The following UNC5B variants were observed in gnomAD, a reference collection of about 807,000 sequenced individuals.
UNC5B encodes unc-5 netrin receptor B.
UNC5B carries 56 observed loss-of-function variants against 103.7 expected under a neutral mutation model. The observed-to-expected ratio is 0.54, with a 90% CI of 0.44 to 0.67. The LOEUF is 0.67. UNC5B is among the 30% of genes least tolerant of loss of function. The pLI, the probability that UNC5B is intolerant of heterozygous loss-of-function variation, is 0.00. For missense variants in UNC5B, 1,194 were observed against 1,284.5 expected (o/e 0.93, Z 1.08); for synonymous variants, 577 against 542.0 (o/e 1.06, Z -0.90).
At chr10:71,266,896 A>G (rs1296280326) in intron 1 of UNC5B, among the ~76,000 whole-genome samples, 1 of 152,122 alleles carries the variant, frequency 6.6e-6, no homozygotes, top group Non-Finnish European at 1.5e-5. Context: ...GGAATCTCCC[A>G]CTGTCTCACT....
chr10:71,291,756 AC>A lies in UNC5B; in HGVS notation c.1622del (p.Pro541GlnfsTer61). The A allele has an allele frequency of 6.2e-7, 1 of 1,610,118 alleles. No homozygotes were observed. The highest frequency in any genetic ancestry group is 8.5e-7 in the Non-Finnish European group (1 of 1,179,854). On this transcript the variant is annotated frameshift_variant, in exon 10 of 17. Coordinates refer to ENST00000335350, the MANE Select transcript of UNC5B (RefSeq NM_170744.5). LOFTEE classifies it high-confidence loss of function. ...CAGCAGCTCTTGGGCCTGCCCCGAGACCCAGGGAGCAGCGTCAGCGGCACCT... is the reference window on the plus strand; with the variant it reads ...CAGCAGCTCTTGGGCCTGCCCCGAGACCAGGGAGCAGCGTCAGCGGCACCT... ...GSQQLLGLPR[D>X]PGSSVSGTFG... is the part of the protein sequence containing the mutation.
chr10:71,231,393 C>T (rs1339881456), intron 1 of UNC5B, among the ~76,000 whole-genome samples: 2 of 152,218 alleles, frequency 1.3e-5, no homozygotes, highest in African/African-American at 4.8e-5. Flanking sequence ...ATCCAGGTCT[C>T]GGCTCCAATG....
Position 71,212,775 on chromosome 10 carries a change from G to T in UNC5B, c.-211G>T, listed in dbSNP as rs1843252819. The T allele has an allele frequency of 2.8e-6, 1 of 360,628 alleles. No homozygotes were observed. The highest frequency in any genetic ancestry group is 2.1e-5 in the African/African-American group (1 of 47,054). The allele number at this position is 360,628 out of a possible 1,614,324, so 22.3% of individuals were successfully genotyped here. A position where few individuals can be genotyped will look rare whatever the true frequency, so the allele number is the denominator to read the frequency against. ...AGGGGCGCGCCGGAGCCTCGTTCGA[G>T]AGCCGGCGCCAGGCACCCACCGCGC... is the stretch of plus-strand genomic sequence containing the variant. On this transcript the variant is annotated 5_prime_UTR_variant, in exon 1 of 17. Transcript: ENST00000335350.
At chr10:71,262,931 C>A (rs1325725474) in intron 1 of UNC5B, among the ~76,000 whole-genome samples, 1 of 152,222 alleles carries the variant, frequency 6.6e-6, no homozygotes, top group African/African-American at 2.4e-5. Flanking sequence ...AAGTATATAA[C>A]TTGAAAAGGT....
intron 1 of UNC5B, among the ~76,000 whole-genome samples, chr10:71,220,430 C>A (rs1843429975): frequency 6.6e-6 from 1 of 152,168 alleles, no homozygotes; most frequent in Admixed American, 6.5e-5. Context: ...TTTGTCATCA[C>A]CACCTCTGGG....
In UNC5B at chr10:71,295,901, C is replaced by T. The variant is rs770291849; in HGVS notation, c.2266C>T (p.Leu756Phe). ...CAAGGACAGTTACCACAACCTGCGCCTCTCCCTCCATGACCTCCCCCATGC... is the reference window on the plus strand; with the variant it reads ...CAAGGACAGTTACCACAACCTGCGCTTCTCCCTCCATGACCTCCCCCATGC... ...MFKDSYHNLR[L>F]SLHDLPHAHW... is the part of the protein sequence containing the mutation. Residue 756 changes from leucine to phenylalanine, a missense_variant, in exon 14 of 17, where the codon CTC becomes TTC. Coordinates refer to ENST00000335350, the MANE Select transcript of UNC5B (RefSeq NM_170744.5). 3 of 1,613,372 alleles carry T rather than the reference C, an allele frequency of 1.9e-6. No homozygotes were observed. In the East Asian group the frequency reaches 6.7e-5, roughly 36 times the overall value.
chr10:71,276,314 A>C (rs886736010), intron 1 of UNC5B, among the ~76,000 whole-genome samples: 2 of 151,752 alleles, frequency 1.3e-5, no homozygotes, highest in Non-Finnish European at 1.5e-5. Context: ...GAACCCCGAG[A>C]CCCCATTATT....
chr10:71,272,774 G>A (rs1844677089), intron 1 of UNC5B, among the ~76,000 whole-genome samples: 1 of 152,220 alleles, frequency 6.6e-6, no homozygotes, highest in Admixed American at 6.5e-5. Flanking sequence ...GGGCTCAGAT[G>A]GTGCCAGGCC....
rs771644982 is a variant in UNC5B at position 71,288,958 on chromosome 10, A to G, written c.1067A>G (p.Asn356Ser). Residue 356 changes from asparagine to serine, a missense_variant and splice_region_variant, in exon 8 of 17, where the codon AAT becomes AGT. Transcript: ENST00000335350. ...TCTTTCCCTTTATTTCCCTTGACAG[A>G]TAAGAAAACTCTAAGCGACCCCAAC... ...KNCTDGLCMQ[N>S]KKTLSDPNSH... The G allele has an allele frequency of 3.1e-5, 50 of 1,613,858 alleles. No individual in the cohort carries two copies. In the South Asian group the frequency reaches 5.2e-4, roughly 17 times the overall value.
At chr10:71,221,932 G>T (rs1253231797) in intron 1 of UNC5B, among the ~76,000 whole-genome samples, 1 of 152,200 alleles carries the variant, frequency 6.6e-6, no homozygotes, top group Non-Finnish European at 1.5e-5. Context: ...GGGGATAAAT[G>T]AGATCATGCT....
At chr10:71,292,617 G>A (rs1044261654) in intron 11 of UNC5B, 63 bp downstream of exon 11, 34 of 1,445,414 alleles carry the variant, frequency 2.4e-5, no homozygotes, top group Non-Finnish European at 2.8e-5. Context: ...CTGCCCACAC[G>A]TGGCTCCCCT....
intron 4 of UNC5B, among the ~76,000 whole-genome samples, chr10:71,286,442 G>A (rs1267125469): frequency 6.6e-6 from 1 of 152,164 alleles, no homozygotes; most frequent in African/African-American, 2.4e-5. Context: ...TATGGGGTAG[G>A]TGCTATTCAA....
chr10:71,217,462 G>A (rs1843354846), intron 1 of UNC5B: 2 of 152,132 alleles, frequency 1.3e-5, no homozygotes, highest in Non-Finnish European at 2.9e-5. Context: ...GATCTTTTTG[G>A]GGGAAGCTGG....
rs1234491650 is a variant in UNC5B at position 71,301,612 on chromosome 10, G to A, written c.*2335G>A. On this transcript the variant is annotated 3_prime_UTR_variant, in exon 17 of 17. Transcript: ENST00000335350. ...GTGGCTTTGAGGGCAGTCTGACCAG[G>A]CTAGACCACACGTGCCGTGACAGGG... 1 of 152,246 alleles carries A rather than the reference G, an allele frequency of 6.6e-6. No homozygotes were observed. Among genetic ancestry groups the A allele is most frequent in the African/African-American group, 2.4e-5 (1 of 41,438 alleles). The allele number at this position is 152,246 out of a possible 1,614,324, so 9.4% of individuals were successfully genotyped here.
chr10:71,284,134 C>G (rs961101611), intron 2 of UNC5B, among the ~76,000 whole-genome samples: 3 of 152,074 alleles, frequency 2.0e-5, no homozygotes, highest in Non-Finnish European at 4.4e-5. Context: ...GTGGGAGTGC[C>G]GAGCAGTGCT....
chr10:71,288,826 G>A (rs1845164304), intron 7 of UNC5B, 94 bp downstream of exon 7: 14 of 1,546,796 alleles, frequency 9.1e-6, no homozygotes, highest in Admixed American at 1.8e-5. Context: ...TGCCCAGCCT[G>A]CAGCACGGCA....
intron 1 of UNC5B, among the ~76,000 whole-genome samples, chr10:71,252,864 G>A (rs1297094721): frequency 1.3e-5 from 2 of 152,172 alleles, no homozygotes; most frequent in Non-Finnish European, 2.9e-5. Context: ...CAGCCTGGCA[G>A]TCTGTTCGGG....
rs1564707129 is a variant in UNC5B at position 71,227,707 on chromosome 10, T to TATATACACATATATATACACACATAC, written c.79+14644_79+14645insTATACACATATATATACACACATACA. On this transcript the variant is annotated intron_variant, in intron 1 of 16. Coordinates refer to ENST00000335350, the MANE Select transcript of UNC5B (RefSeq NM_170744.5). Reference sequence around the variant, plus strand: ...ATATACACATATATATACACACATATACACACACACACACACACACACACA... The same window carrying TATATACACATATATATACACACATAC: ...ATATACACATATATATACACACATATATATACACATATATATACACACATACACACACACACACACACACACACACA... Among the ~76,000 whole-genome samples, 10 of 128,080 alleles carry TATATACACATATATATACACACATAC rather than the reference T, an allele frequency of 7.8e-5. No individual in the cohort carries two copies. In the East Asian group the frequency reaches 1.5e-3, roughly 20 times the overall value. The allele number at this position is 128,080 out of a possible 152,430, so 84.0% of individuals were successfully genotyped here. A position where few individuals can be genotyped will look rare whatever the true frequency, so the allele number is the denominator to read the frequency against.
intron 1 of UNC5B, among the ~76,000 whole-genome samples, chr10:71,226,656 A>G (rs776139530): frequency 1.2e-4 from 19 of 152,224 alleles, no homozygotes; most frequent in Non-Finnish European, 2.6e-4. Context: ...GCAGCATCCA[A>G]TTCCATTCTC....
Sources: allele counts gnomAD v4.1 joint callset (sites outside exome capture counted in the v4.1 genomes callset), GRCh38; gene constraint gnomAD v4.1.1; transcripts MANE v1.5; gene names NCBI Gene and HGNC (gene_info 2026-07-23, HGNC 2026-07-21).